UST: variants seen among roughly 807,000 people sequenced by gnomAD.
UST encodes the protein uronyl 2-sulfotransferase, also known as chondroitin sulfate 2-O-sulfotransferase.
A neutral mutation model predicts 45.6 loss-of-function variants in UST; 21 were observed. The observed-to-expected ratio is 0.46, with a 90% CI of 0.33 to 0.66. UST has a LOEUF of 0.66. UST is among the 30% of genes least tolerant of loss of function. The pLI is 0.02. For synonymous variants in UST, 215 were observed against 200.6 expected (o/e 1.07, Z -0.61); for missense variants, 463 against 512.4 (o/e 0.90, Z 0.93).
intron 2 of UST, among the ~76,000 whole-genome samples, chr6:148,936,406 A>T (rs1780027303): frequency 6.6e-6 from 1 of 152,100 alleles, no homozygotes. Context: ...CTTGGATGCT[A>T]CTAATGATAC....
At position 148,934,763 on chromosome 6, in the gene UST, G is replaced by A. The variant is rs950298112; in HGVS notation, c.292-6516G>A. 5.9e-5 allele frequency among the ~76,000 whole-genome samples: 9 copies of A among 152,198 alleles called. No homozygotes were observed. The highest frequency in any genetic ancestry group is 1.9e-4 in the African/African-American group (8 of 41,448). ...GATGGAGTTGGCAGAGGGCCCTGGT[G>A]AGCTTTTTAGAGAGAGACTCCTGAC... is the stretch of plus-strand genomic sequence containing the variant. On this transcript the variant is annotated intron_variant, in intron 2 of 7. Coordinates refer to ENST00000367463, the MANE Select transcript of UST (RefSeq NM_005715.3). This position sits in a 1 kb window ranked among gnomAD's most constrained non-coding sequence, Gnocchi z 4.1.
At chr6:148,787,439 A>G (rs1338957515) in intron 1 of UST, among the ~76,000 whole-genome samples, 1 of 152,222 alleles carries the variant, frequency 6.6e-6, no homozygotes, top group Non-Finnish European at 1.5e-5. Flanking sequence ...CATTTATTAA[A>G]TAGGAAATCC....
chr6:149,015,196 C>T (rs907825854), intron 5 of UST, among the ~76,000 whole-genome samples: 8 of 152,066 alleles, frequency 5.3e-5, no homozygotes, highest in Non-Finnish European at 7.4e-5. Flanking sequence ...GGATAAAAGA[C>T]GATTTTGCTG....
chr6:148,860,424 A>G (rs1003329021), intron 1 of UST, among the ~76,000 whole-genome samples: 7 of 152,204 alleles, frequency 4.6e-5, no homozygotes, highest in African/African-American at 1.7e-4. Context: ...CTAAATATAC[A>G]GTCATGTCAT....
chr6:148,787,070 G>A (rs554788634), intron 1 of UST, among the ~76,000 whole-genome samples: 4 of 151,920 alleles, frequency 2.6e-5, no homozygotes, highest in Admixed American at 1.3e-4. Flanking sequence ...TTTTTTTCTT[G>A]TAAATTTAAG....
intron 2 of UST, among the ~76,000 whole-genome samples, chr6:148,893,062 T>G (rs927102258): frequency 2.6e-5 from 4 of 152,214 alleles, no homozygotes; most frequent in Admixed American, 6.5e-5. Context: ...GCTTCAAATT[T>G]ATAAAACCTA....
At chr6:148,912,103 A>G (rs548279609) in intron 2 of UST, among the ~76,000 whole-genome samples, 1 of 152,244 alleles carries the variant, frequency 6.6e-6, no homozygotes, top group East Asian at 1.9e-4. Flanking sequence ...AGGCCGAGGC[A>G]GGAGAATCGT....
chr6:148,966,636 T>G (rs1372484570), intron 5 of UST, among the ~76,000 whole-genome samples: 1 of 152,246 alleles, frequency 6.6e-6, no homozygotes, highest in African/African-American at 2.4e-5. Flanking sequence ...TTTCATATAA[T>G]GCAGTTTTCA....
rs1582852464 is a variant in UST at position 148,852,873 on chromosome 6, C to T, written c.248-34113C>T. Among the ~76,000 whole-genome samples, 5 of 152,252 alleles carry T rather than the reference C, an allele frequency of 3.3e-5. No homozygotes were observed. In the South Asian group the frequency reaches 1.0e-3, roughly 32 times the overall value. On this transcript the variant is annotated intron_variant, in intron 1 of 7. Transcript: ENST00000367463. ...TGTGAGGGTCAGAACCCCCCAACCC[C>T]CATGTGTTATGCCCAGCACCGAGGA...
chr6:148,984,467 T>C (rs1781201025), intron 5 of UST, among the ~76,000 whole-genome samples: 1 of 152,238 alleles, frequency 6.6e-6, no homozygotes, highest in Non-Finnish European at 1.5e-5. Context: ...TTTGAAGCTT[T>C]ATGCTAAAGA....
chr6:148,820,966 T>TG lies in UST; in HGVS notation c.248-66020_248-66019insG, dbSNP rs1273372939. Among the ~76,000 whole-genome samples the TG allele has an allele frequency of 1.5e-3, 203 of 132,080 alleles. 1 individual carries two copies. The highest frequency in any genetic ancestry group is 5.3e-3 in the African/African-American group (193 of 36,210). 86.6% of individuals were successfully genotyped at this position (132,080 alleles called of 152,430 possible). A position where few individuals can be genotyped will look rare whatever the true frequency, so the allele number is the denominator to read the frequency against. ...TTGTCATGTAGTATTTTTTTTTAAT[T>TG]CCTTTTTTTTTTTTTTTTTTTGAGA... On this transcript the variant is annotated intron_variant, in intron 1 of 7. Coordinates refer to ENST00000367463, the MANE Select transcript of UST (RefSeq NM_005715.3).
intron 2 of UST, among the ~76,000 whole-genome samples, chr6:148,903,525 G>T (rs1003317321): frequency 6.6e-6 from 1 of 152,190 alleles, no homozygotes; most frequent in Non-Finnish European, 1.5e-5. Context: ...TTTGTGGGTT[G>T]TGATCTTGCA....
intron 1 of UST, among the ~76,000 whole-genome samples, chr6:148,885,009 A>C (rs1327549748): frequency 3.3e-5 from 5 of 152,114 alleles, no homozygotes; most frequent in Non-Finnish European, 7.4e-5. Flanking sequence ...AATTGGAGCA[A>C]ATAGGGTTCT....
At chr6:148,930,025 T>C (rs773860899) in intron 2 of UST, among the ~76,000 whole-genome samples, 1 of 152,184 alleles carries the variant, frequency 6.6e-6, no homozygotes, top group Non-Finnish European at 1.5e-5. Flanking sequence ...AGGTGTACTT[T>C]GCAAAGGGAA....
intron 7 of UST, among the ~76,000 whole-genome samples, chr6:149,067,229 A>T (rs1187811072): frequency 2.0e-5 from 3 of 152,188 alleles, no homozygotes; most frequent in Non-Finnish European, 4.4e-5. Context: ...TTCCTCTGTG[A>T]CATGAGTTTT....
intron 1 of UST, 80 bp from the exon 2 acceptor site, chr6:148,886,906 T>C: frequency 8.6e-7 from 1 of 1,166,506 alleles, no homozygotes; most frequent in East Asian, 2.3e-5. Flanking sequence ...ATAACTAGAA[T>C]GCTTATCTTC....
At chr6:148,840,066 A>G (rs528489309) in intron 1 of UST, among the ~76,000 whole-genome samples, 3 of 152,314 alleles carry the variant, frequency 2.0e-5, no homozygotes, top group African/African-American at 7.2e-5. Flanking sequence ...CTCGTTGGCT[A>G]TTGCAAACAG....
intron 5 of UST, among the ~76,000 whole-genome samples, chr6:149,016,978 A>T (rs1582961140): frequency 6.6e-6 from 1 of 152,240 alleles, no homozygotes; most frequent in South Asian, 2.1e-4. Context: ...AAATGTGAGC[A>T]GGGCAGGGGG....
intron 5 of UST, among the ~76,000 whole-genome samples, chr6:148,997,713 G>A (rs2114999706): frequency 6.6e-6 from 1 of 152,126 alleles, no homozygotes; most frequent in South Asian, 2.1e-4. Flanking sequence ...ATAACATTAT[G>A]GAAAATTTTA....
Sources: gnomAD v4.1 joint callset for allele counts (sites outside exome capture counted in the v4.1 genomes callset) on GRCh38, gnomAD v4.1.1 for gene constraint, Gnocchi (gnomAD v3.1) non-coding constraint, MANE v1.5 for transcripts, NCBI Gene and HGNC (gene_info 2026-07-23, HGNC 2026-07-21) for gene names.